The following NECAB1 variants were observed in gnomAD, a reference collection of about 807,000 sequenced individuals.
The protein encoded by NECAB1 is N-terminal EF-hand calcium binding protein 1.
A neutral mutation model predicts 57.5 loss-of-function variants in NECAB1; 29 were observed. The ratio of observed to expected loss-of-function variants is 0.50; its 90% CI spans 0.38 to 0.69. The LOEUF (loss-of-function observed/expected upper bound fraction) is 0.69, where lower values mean the gene tolerates loss of function less well. Ranked by LOEUF, NECAB1 falls within the 30% of genes least tolerant of loss-of-function variation. The probability of loss-of-function intolerance (pLI) is 0.00; values close to 1 mark genes in which losing one functional copy is unlikely to be tolerated. For synonymous variants in NECAB1, 142 were observed against 147.7 expected, an observed-to-expected ratio of 0.96 and a Z score of 0.28; for missense variants, 372 against 413.8, an observed-to-expected ratio of 0.90 and a Z score of 0.88.
At chr8:90,834,097 C>T (rs1306891168) in intron 3 of NECAB1, among the ~76,000 whole-genome samples, 4 of 126,144 alleles carry the variant, frequency 3.2e-5, no homozygotes, top group African/African-American at 1.2e-4. Context: ...CAGCAGGTGG[C>T]GGTTGCAGTG....
At position 90,824,261 on chromosome 8, in the gene NECAB1, A is replaced by G. The variant is rs916969534; in HGVS notation, c.125-456A>G. ...TGATTTAAAGGGCATAGGAATGGAC[A>G]TAGTTTGTTAGACTATAATAACAAC... On this transcript the variant is annotated intron_variant, in intron 2 of 12. Coordinates refer to ENST00000417640, the MANE Select transcript of NECAB1 (RefSeq NM_022351.5). Among the ~76,000 whole-genome samples the G allele has an allele frequency of 9.9e-5, 15 of 152,022 alleles. No homozygotes were observed. The South Asian group carries it at 2.1e-3, about 21-fold the overall frequency.
At chr8:90,894,977 A>G (rs893307521) in intron 5 of NECAB1, among the ~76,000 whole-genome samples, 13 of 152,184 alleles carry the variant, frequency 8.5e-5, no homozygotes, top group African/African-American at 3.1e-4. Flanking sequence ...CAATAGTTTA[A>G]TGAAGCACAG....
chr8:90,804,305 G>A (rs920260312), intron 2 of NECAB1, among the ~76,000 whole-genome samples: 1 of 150,644 alleles, frequency 6.6e-6, no homozygotes, highest in Non-Finnish European at 1.5e-5. Context: ...CATCTATATC[G>A]AGCCTAAAAC....
At chr8:90,833,027 T>A (rs1481995709) in intron 3 of NECAB1, among the ~76,000 whole-genome samples, 1 of 152,186 alleles carries the variant, frequency 6.6e-6, no homozygotes, top group Non-Finnish European at 1.5e-5. Flanking sequence ...TTGCTTTAAT[T>A]GCTGCCTTTT....
chr8:90,802,209 G>C (rs1811768436), intron 2 of NECAB1, among the ~76,000 whole-genome samples: 1 of 152,174 alleles, frequency 6.6e-6, no homozygotes, highest in African/African-American at 2.4e-5. Context: ...AACCTGCATT[G>C]CTAGCTTTAT....
At chr8:90,951,793 AATAGCTGTCACCATTAGAGAT>A (rs1810928600) in intron 12 of NECAB1, among the ~76,000 whole-genome samples, 1 of 152,172 alleles carries the variant, frequency 6.6e-6, no homozygotes, top group Non-Finnish European at 1.5e-5. Context: ...AAGGGAATAA[AATAGCTGTCACCATTAGAGAT>A]AATATGTGTT....
intron 5 of NECAB1, among the ~76,000 whole-genome samples, chr8:90,885,241 G>T (rs1259881272): frequency 6.6e-6 from 1 of 152,146 alleles, no homozygotes; most frequent in Non-Finnish European, 1.5e-5. Context: ...GGCTAAGGTG[G>T]ATATGCTAGG....
In NECAB1 at chr8:90,956,502, C is replaced by T. The variant is rs978464545; in HGVS notation, c.*990C>T. ...ACACTAGAATGACTAAAACTATCTA[C>T]CTATAGAACTATCTGTAGATAGTAT... On this transcript the variant is annotated 3_prime_UTR_variant, in exon 13 of 13. Coordinates refer to ENST00000417640, the MANE Select transcript of NECAB1 (RefSeq NM_022351.5). 1.3e-5 allele frequency: 2 copies of T among 151,790 alleles called. No homozygotes were observed. The highest frequency in any genetic ancestry group is 6.6e-5 in the Admixed American group (1 of 15,214). The allele number at this position is 151,790 out of a possible 1,614,324, so 9.4% of individuals were successfully genotyped here.
At chr8:90,916,601 AC>A (rs1395651344) in intron 5 of NECAB1, among the ~76,000 whole-genome samples, 1 of 152,160 alleles carries the variant, frequency 6.6e-6, no homozygotes, top group Non-Finnish European at 1.5e-5. Context: ...TACCATTTCC[AC>A]TCAAGATTCT....
At chr8:90,913,396 G>C (rs1809875346) in intron 5 of NECAB1, among the ~76,000 whole-genome samples, 1 of 151,866 alleles carries the variant, frequency 6.6e-6, no homozygotes, top group Non-Finnish European at 1.5e-5. Context: ...ACATTATTAG[G>C]ATCTGAGAAG....
intron 9 of NECAB1, 115 bp downstream of exon 9, chr8:90,934,472 C>T: frequency 1.4e-6 from 1 of 693,970 alleles, no homozygotes; most frequent in Non-Finnish European, 2.3e-6. Flanking sequence ...AGTCGTATTT[C>T]ATTTTATAAG....
At chr8:90,927,551 A>G (rs184937483) in intron 7 of NECAB1, among the ~76,000 whole-genome samples, 73 of 151,878 alleles carry the variant, frequency 4.8e-4, no homozygotes, top group African/African-American at 1.5e-3. Flanking sequence ...TTTGCATAAC[A>G]ATGTTAATAA....
intron 1 of NECAB1, among the ~76,000 whole-genome samples, chr8:90,799,174 T>C (rs1231534951): frequency 1.3e-5 from 2 of 152,160 alleles, no homozygotes; most frequent in Non-Finnish European, 2.9e-5. Context: ...TGAAATATAA[T>C]TTTTACAGAT....
At chr8:90,800,792 G>A (rs753183507) in intron 1 of NECAB1, among the ~76,000 whole-genome samples, 17 of 152,040 alleles carry the variant, frequency 1.1e-4, no homozygotes, top group Non-Finnish European at 7.4e-5. Flanking sequence ...GCCCTAATGT[G>A]CTCATCCCTG....
At chr8:90,906,876 C>CACACATATAT (rs375695060) in intron 5 of NECAB1, among the ~76,000 whole-genome samples, 2 of 121,764 alleles carry the variant, frequency 1.6e-5, no homozygotes, top group East Asian at 2.1e-4. Context: ...ATGATATACA[C>CACACATATAT]ATATATATAT....
intron 12 of NECAB1, among the ~76,000 whole-genome samples, chr8:90,952,271 T>A (rs1432893538): frequency 6.6e-6 from 1 of 150,882 alleles, no homozygotes; most frequent in Non-Finnish European, 1.5e-5. Context: ...GGGACTCCAG[T>A]TGCAGATGTA....
At chr8:90,939,869 C>A (rs1810626888) in intron 9 of NECAB1, among the ~76,000 whole-genome samples, 1 of 152,196 alleles carries the variant, frequency 6.6e-6, no homozygotes. Flanking sequence ...GGGTTTAATT[C>A]TCTCATGCTA....
chr8:90,928,260 A>T lies in NECAB1; in HGVS notation c.654A>T (p.Ile218=). The T allele has an allele frequency of 6.2e-7, 1 of 1,609,920 alleles. No individual in the cohort carries two copies. Among genetic ancestry groups the T allele is most frequent in the Non-Finnish European group, 8.5e-7 (1 of 1,178,264 alleles). The change falls in exon 8 of 13, where the codon ATA becomes ATT. Residue 218 remains isoleucine, a synonymous_variant. Transcript: ENST00000417640. ...LEEDNQWMTQ[I]NRLQKLIDRL... ...AAGACAACCAGTGGATGACCCAGAT[A>T]AATAGACTCCAGAAATTAATTGATA...
intron 1 of NECAB1, among the ~76,000 whole-genome samples, chr8:90,794,894 A>C (rs1419247333): frequency 1.3e-5 from 2 of 152,208 alleles, no homozygotes; most frequent in Non-Finnish European, 2.9e-5. Flanking sequence ...CTAGAATATG[A>C]CAGAATTAAG....
Sources: allele counts gnomAD v4.1 joint callset (sites outside exome capture counted in the v4.1 genomes callset), GRCh38; gene constraint gnomAD v4.1.1; transcripts MANE v1.5; gene names NCBI Gene and HGNC (gene_info 2026-07-23, HGNC 2026-07-21).